ONECUT1: variants seen among roughly 807,000 people sequenced by gnomAD.
The protein encoded by ONECUT1 is hepatocyte nuclear factor 6.
ONECUT1 carries 12 observed loss-of-function variants against 25.6 expected under a neutral mutation model. That is an observed-to-expected ratio of 0.47 (90% CI 0.30 to 0.76). The LOEUF (loss-of-function observed/expected upper bound fraction) is 0.76, where lower values mean the gene tolerates loss of function less well. ONECUT1 is among the 30% of genes least tolerant of loss of function. The probability of loss-of-function intolerance (pLI) is 0.07; values close to 1 mark genes in which losing one functional copy is unlikely to be tolerated. For synonymous variants in ONECUT1, 285 were observed against 270.2 expected (o/e 1.05, Z -0.54); for missense variants, 620 against 651.2 (o/e 0.95, Z 0.52).
chr15:52,758,989 T>A (rs925324736), intron 1 of ONECUT1, among the ~76,000 whole-genome samples: 1 of 152,200 alleles, frequency 6.6e-6, no homozygotes, highest in Non-Finnish European at 1.5e-5. Flanking sequence ...GAATGCAGCC[T>A]TAAGAAAAGG....
intron 1 of ONECUT1, among the ~76,000 whole-genome samples, chr15:52,774,549 C>G (rs1397788027): frequency 2.2e-4 from 34 of 152,182 alleles, no homozygotes. Context: ...ATCCTCCCAC[C>G]TCGCCCTCCC....
intron 1 of ONECUT1, among the ~76,000 whole-genome samples, chr15:52,780,341 TC>T (rs2083832557): frequency 6.6e-6 from 1 of 152,088 alleles, no homozygotes; most frequent in Admixed American, 6.6e-5. Context: ...AATCAGCACT[TC>T]CCCCTTTTAA....
chr15:52,772,078 TA>T (rs1265459691), intron 1 of ONECUT1, among the ~76,000 whole-genome samples: 2 of 152,090 alleles, frequency 1.3e-5, no homozygotes, highest in African/African-American at 4.8e-5. Context: ...TTGATTGTCA[TA>T]GACAACCTGG....
At chr15:52,767,648 T>C (rs150420053) in intron 1 of ONECUT1, among the ~76,000 whole-genome samples, 2 of 152,304 alleles carry the variant, frequency 1.3e-5, no homozygotes, top group Non-Finnish European at 2.9e-5. Flanking sequence ...CCTGCTAGTT[T>C]GGTCAGTAGC....
Position 52,770,106 on chromosome 15 carries a change from G to A in ONECUT1, c.1106-12259C>T, listed in dbSNP as rs2141452513. 2.6e-5 allele frequency among the ~76,000 whole-genome samples: 4 copies of A among 152,286 alleles called. No homozygotes were observed. The South Asian group carries it at 8.3e-4, about 32-fold the overall frequency. On this transcript the variant is annotated intron_variant, in intron 1 of 1. Transcript: ENST00000305901. Reference sequence around the variant, plus strand: ...GGACCTCTGGCTATTATAGAGCCCTGGATCCATGGGTTAGGGTATCATTTC... The same window carrying A: ...GGACCTCTGGCTATTATAGAGCCCTAGATCCATGGGTTAGGGTATCATTTC...
intron 1 of ONECUT1, chr15:52,781,123 T>G (rs1166221621): frequency 6.3e-6 from 1 of 157,634 alleles, no homozygotes; most frequent in African/African-American, 2.4e-5. Flanking sequence ...CAGATCAGAA[T>G]GCCAATGCCT....
At chr15:52,777,777 A>T in intron 1 of ONECUT1, among the ~76,000 whole-genome samples, 1 of 150,120 alleles carries the variant, frequency 6.7e-6, no homozygotes, top group Non-Finnish European at 1.5e-5. Flanking sequence ...TCCCTGCTAG[A>T]CTGTGAGTTC....
At chr15:52,768,467 G>GT (rs2083747931) in intron 1 of ONECUT1, among the ~76,000 whole-genome samples, 1 of 152,078 alleles carries the variant, frequency 6.6e-6, no homozygotes, top group Admixed American at 6.5e-5. Context: ...ACTCTCAATA[G>GT]TTTGCCTCCA....
chr15:52,773,243 A>AG (rs2083779535), intron 1 of ONECUT1, among the ~76,000 whole-genome samples: 1 of 118,642 alleles, frequency 8.4e-6, no homozygotes, highest in African/African-American at 3.0e-5. Flanking sequence ...AGAGAGAGAG[A>AG]AAGAGAGAGA....
At chr15:52,763,950 AC>A (rs1488252667) in intron 1 of ONECUT1, among the ~76,000 whole-genome samples, 2 of 152,222 alleles carry the variant, frequency 1.3e-5, no homozygotes, top group African/African-American at 4.8e-5. Flanking sequence ...TTAGAAACAA[AC>A]CAACAAGCTA....
chr15:52,785,179 A>ATTTT (rs2083866342), intron 1 of ONECUT1, among the ~76,000 whole-genome samples: 2 of 152,250 alleles, frequency 1.3e-5, no homozygotes, highest in Non-Finnish European at 2.9e-5. Context: ...CATGGCCCAG[A>ATTTT]AAAGCAGGGG....
intron 1 of ONECUT1, among the ~76,000 whole-genome samples, chr15:52,763,334 A>T (rs1266533280): frequency 1.3e-5 from 2 of 152,156 alleles, no homozygotes; most frequent in Non-Finnish European, 2.9e-5. Context: ...GAAAGATGGT[A>T]AAAGTCAGAG....
At chr15:52,772,540 G>A (rs1015388597) in intron 1 of ONECUT1, among the ~76,000 whole-genome samples, 2 of 152,140 alleles carry the variant, frequency 1.3e-5, no homozygotes, top group African/African-American at 4.8e-5. Context: ...GCTTTTTAGC[G>A]CTAATTGACA....
intron 1 of ONECUT1, among the ~76,000 whole-genome samples, chr15:52,773,318 TG>T (rs896900020): frequency 5.3e-5 from 8 of 151,642 alleles, no homozygotes; most frequent in African/African-American, 1.9e-4. Context: ...AAATAGGGAA[TG>T]GGGGAAGGCA....
chr15:52,774,780 A>G (rs2083789406), intron 1 of ONECUT1, among the ~76,000 whole-genome samples: 1 of 152,222 alleles, frequency 6.6e-6, no homozygotes, highest in African/African-American at 2.4e-5. Context: ...TTTTGGAAAA[A>G]ATCTCCACCC....
intron 1 of ONECUT1, among the ~76,000 whole-genome samples, chr15:52,763,338 G>C (rs1034116122): frequency 6.6e-6 from 1 of 152,064 alleles, no homozygotes; most frequent in Non-Finnish European, 1.5e-5. Flanking sequence ...GATGGTAAAA[G>C]TCAGAGCATG....
intron 1 of ONECUT1, among the ~76,000 whole-genome samples, chr15:52,763,627 A>G (rs1239621156): frequency 2.0e-5 from 3 of 152,234 alleles, no homozygotes; most frequent in Admixed American, 1.3e-4. Context: ...GAGCTTTAAT[A>G]TGTTACTGAG....
At chr15:52,770,564 A>C (rs2083760985) in intron 1 of ONECUT1, among the ~76,000 whole-genome samples, 1 of 152,184 alleles carries the variant, frequency 6.6e-6, no homozygotes, top group Admixed American at 6.5e-5. Flanking sequence ...GGTGTGGCCC[A>C]AATACATCAA....
chr15:52,757,623 A>T lies in ONECUT1; in HGVS notation c.1330T>A (p.Trp444Arg). ...GAATTGGAGCTGCCCTCGTCCTGCC[A>T]CTTGTCCAGACTCCTCCTTCTTGCG... ...MNARRRSLDK[W>R]QDEGSSNSGN... Residue 444 changes from tryptophan (W) to arginine (R), a missense_variant, in exon 2 of 2, where the codon TGG (tryptophan) becomes AGG (arginine). Transcript: ENST00000305901. 1 of 1,614,142 alleles carries T rather than the reference A, an allele frequency of 6.2e-7. No individual in the cohort carries two copies. Among genetic ancestry groups the T allele is most frequent in the Non-Finnish European group, 8.5e-7 (1 of 1,180,036 alleles).
Sources: gnomAD v4.1 joint callset for allele counts (sites outside exome capture counted in the v4.1 genomes callset) on GRCh38, gnomAD v4.1.1 for gene constraint, MANE v1.5 for transcripts, NCBI Gene and HGNC (gene_info 2026-07-23, HGNC 2026-07-21) for gene names.